Variants in MAGI1 observed in about 807,000 individuals in gnomAD.
MAGI1 encodes membrane-associated guanylate kinase, WW and PDZ domain-containing protein 1.
In MAGI1, 58 loss-of-function variants were observed where a neutral mutation model predicts 139.9. The ratio of observed to expected loss-of-function variants is 0.41; its 90% CI spans 0.34 to 0.52. The LOEUF (loss-of-function observed/expected upper bound fraction) is 0.52. MAGI1 is among the 20% of genes least tolerant of loss of function. The pLI is 0.12. For synonymous variants in MAGI1, 812 were observed against 737.9 expected, an observed-to-expected ratio of 1.10 and a Z score of -1.63; for missense variants, 1,874 against 1,901.6, an observed-to-expected ratio of 0.99 and a Z score of 0.27.
At chr3:65,544,217 G>A (rs2079394073) in intron 2 of MAGI1, among the ~76,000 whole-genome samples, 1 of 151,860 alleles carries the variant, frequency 6.6e-6, no homozygotes, top group African/African-American at 2.4e-5. Flanking sequence ...TTAAAATGCT[G>A]TATTTTACCA....
chr3:66,012,150 A>G (rs1031112575), intron 1 of MAGI1, among the ~76,000 whole-genome samples: 28 of 152,186 alleles, frequency 1.8e-4, no homozygotes, highest in African/African-American at 6.8e-4. Flanking sequence ...CCACTGAAAC[A>G]TTCTATGCTC....
chr3:65,570,686 G>C (rs962057004), intron 2 of MAGI1, among the ~76,000 whole-genome samples: 1 of 152,174 alleles, frequency 6.6e-6, no homozygotes, highest in Non-Finnish European at 1.5e-5. Flanking sequence ...TTGGCTAAAA[G>C]TTGACCACTG....
intron 2 of MAGI1, among the ~76,000 whole-genome samples, chr3:65,593,284 G>A (rs1444000415): frequency 6.6e-6 from 1 of 152,130 alleles, no homozygotes; most frequent in Non-Finnish European, 1.5e-5. Context: ...TTATAGCCAA[G>A]TTATTTCATA....
chr3:65,549,218 G>A (rs953804329), intron 2 of MAGI1, among the ~76,000 whole-genome samples: 1 of 152,146 alleles, frequency 6.6e-6, no homozygotes, highest in Non-Finnish European at 1.5e-5. Context: ...ACGCCCGGGC[G>A]GGCGGCAAGT....
chr3:65,906,794 G>A lies in MAGI1; in HGVS notation c.313+131202C>T, dbSNP rs186622793. Among the ~76,000 whole-genome samples the A allele has an allele frequency of 3.4e-3, 517 of 151,764 alleles. 2 individuals are homozygous for A. Among genetic ancestry groups the A allele is most frequent in the Middle Eastern group, 0.017 (5 of 294 alleles). On this transcript the variant is annotated intron_variant, in intron 1 of 22. Transcript: ENST00000402939. ...CCAGCTACTAGGGAGGCTGAGGTAA[G>A]AGAATTGCTTGAACCCAGGAGGTGG...
At chr3:65,777,642 C>CA (rs11415226) in intron 1 of MAGI1, among the ~76,000 whole-genome samples, 56,893 of 116,944 alleles carry the variant, frequency 0.49, 13,809 homozygotes, top group Admixed American at 0.57. Flanking sequence ...ACTCTTATCA[C>CA]AAAAAAAAAA....
intron 2 of MAGI1, among the ~76,000 whole-genome samples, chr3:65,542,112 T>G (rs2079260409): frequency 6.6e-6 from 1 of 152,156 alleles, no homozygotes; most frequent in Non-Finnish European, 1.5e-5. Context: ...TCACAAGCAT[T>G]CCTATACACC....
At chr3:65,770,660 G>T (rs967822607) in intron 1 of MAGI1, among the ~76,000 whole-genome samples, 1 of 152,094 alleles carries the variant, frequency 6.6e-6, no homozygotes, top group Non-Finnish European at 1.5e-5. Flanking sequence ...GCATATAGGC[G>T]TATCCTTTTT....
At chr3:65,637,144 C>G (rs997632460) in intron 1 of MAGI1, among the ~76,000 whole-genome samples, 1 of 152,160 alleles carries the variant, frequency 6.6e-6, no homozygotes, top group African/African-American at 2.4e-5. Flanking sequence ...ACAGTCCCAC[C>G]CAGGGGTTGG....
At chr3:65,630,751 T>C (rs1376238347) in intron 1 of MAGI1, among the ~76,000 whole-genome samples, 1 of 152,182 alleles carries the variant, frequency 6.6e-6, no homozygotes, top group Non-Finnish European at 1.5e-5. Flanking sequence ...GACTACACAC[T>C]GGGTGCCGTG....
At chr3:65,729,764 A>C (rs1239093058) in intron 1 of MAGI1, among the ~76,000 whole-genome samples, 1 of 152,216 alleles carries the variant, frequency 6.6e-6, no homozygotes, top group East Asian at 1.9e-4. Context: ...TCCCAAGAGA[A>C]TCTCTGAATT....
At chr3:65,871,199 A>C (rs2059927116) in intron 1 of MAGI1, among the ~76,000 whole-genome samples, 1 of 152,164 alleles carries the variant, frequency 6.6e-6, no homozygotes, top group Middle Eastern at 3.4e-3. Context: ...CACCTCCCAA[A>C]GTGCTGGGAT....
intron 1 of MAGI1, among the ~76,000 whole-genome samples, chr3:66,024,582 G>A (rs745588607): frequency 7.9e-5 from 12 of 152,260 alleles, no homozygotes; most frequent in South Asian, 2.1e-4. Flanking sequence ...CAAGGTGGGC[G>A]GATCACCTGA....
At chr3:65,930,827 T>C (rs1469535801) in intron 1 of MAGI1, among the ~76,000 whole-genome samples, 1 of 152,090 alleles carries the variant, frequency 6.6e-6, no homozygotes, top group African/African-American at 2.4e-5. Context: ...AGTGTACAAA[T>C]GCCATGGCAA....
chr3:65,769,640 G>A (rs753093970), intron 1 of MAGI1, among the ~76,000 whole-genome samples: 7 of 152,130 alleles, frequency 4.6e-5, no homozygotes, highest in Admixed American at 1.3e-4. Flanking sequence ...AGCCATAGCC[G>A]GGAAGATACT....
intron 5 of MAGI1, among the ~76,000 whole-genome samples, chr3:65,454,851 C>T (rs1949289511): frequency 6.6e-6 from 1 of 152,072 alleles, no homozygotes; most frequent in Non-Finnish European, 1.5e-5. Context: ...CCACGTATGA[C>T]TGCCAGAATC....
At chr3:65,740,985 A>C (rs1225880597) in intron 1 of MAGI1, among the ~76,000 whole-genome samples, 9 of 152,146 alleles carry the variant, frequency 5.9e-5, no homozygotes, top group Non-Finnish European at 1.5e-5. Flanking sequence ...AATGGGGGAA[A>C]TATGATTCAA....
intron 1 of MAGI1, among the ~76,000 whole-genome samples, chr3:65,704,647 A>G (rs764530121): frequency 2.6e-5 from 4 of 152,188 alleles, no homozygotes; most frequent in Admixed American, 6.5e-5. Flanking sequence ...TAGGAATGCT[A>G]TGGTAGTCAC....
intron 1 of MAGI1, among the ~76,000 whole-genome samples, chr3:65,753,215 T>A (rs1156347002): frequency 2.0e-5 from 3 of 152,034 alleles, no homozygotes; most frequent in East Asian, 3.9e-4. Context: ...CAGGGATGCA[T>A]TGCAAATACA....
Sources: gnomAD v4.1 joint callset for allele counts (sites outside exome capture counted in the v4.1 genomes callset) on GRCh38, gnomAD v4.1.1 for gene constraint, MANE v1.5 for transcripts, NCBI Gene and HGNC (gene_info 2026-07-23, HGNC 2026-07-21) for gene names.